IL19: variants seen among roughly 807,000 people sequenced by gnomAD.
The protein encoded by IL19 is interleukin-19.
IL19 carries 15 observed loss-of-function variants against 19.5 expected under a neutral mutation model. The observed-to-expected ratio is 0.77, with a 90% confidence interval of 0.52 to 1.19. IL19 has a LOEUF of 1.19. Ranked by LOEUF, IL19 falls within the 50% of genes most tolerant of loss-of-function variation. The probability of loss-of-function intolerance (pLI) is 0.00; values close to 1 mark genes in which losing one functional copy is unlikely to be tolerated. For missense variants in IL19, 199 were observed against 213.1 expected (o/e 0.93, Z 0.41); for synonymous variants, 78 against 78.3 (o/e 1.00, Z 0.02).
intron 2 of IL19, among the ~76,000 whole-genome samples, chr1:206,816,724 C>T (rs1676167084): frequency 6.6e-6 from 1 of 151,980 alleles, no homozygotes; most frequent in Middle Eastern, 3.2e-3. Context: ...TAAATATGAC[C>T]ATTAAAAAGG....
At position 206,798,968 on chromosome 1, in the gene IL19, A is replaced by G. The variant is rs777031399; in HGVS notation, c.-41A>G. The G allele has an allele frequency of 1.2e-6, 2 of 1,613,620 alleles. No homozygotes were observed. Among genetic ancestry groups the G allele is most frequent in the South Asian group, 1.1e-5 (1 of 91,046 alleles). On this transcript the variant is annotated 5_prime_UTR_variant, in exon 2 of 7. An upstream start codon of the reference 5' UTR is lost. Coordinates refer to ENST00000659997, the MANE Select transcript of IL19 (RefSeq NM_153758.5). Reference sequence around the variant, plus strand: ...CTCACACATGTGCACACACATATCCATGTGTGTGTGCCAGTGCTTTGGGGC... The same window carrying G: ...CTCACACATGTGCACACACATATCCGTGTGTGTGTGCCAGTGCTTTGGGGC...
At chr1:206,808,500 C>CGTGTGTGTGTGTGTGT (rs36044951) in intron 2 of IL19, among the ~76,000 whole-genome samples, 1 of 148,610 alleles carries the variant, frequency 6.7e-6, no homozygotes, top group Admixed American at 6.7e-5. Context: ...TGTGTGTGTG[C>CGTGTGTGTGTGTGTGT]GTGTGTGTGT....
chr1:206,839,410 T>G (rs1676920863), intron 4 of IL19, among the ~76,000 whole-genome samples: 1 of 152,186 alleles, frequency 6.6e-6, no homozygotes, highest in Non-Finnish European at 1.5e-5. Context: ...CCCTTGCATG[T>G]TGGCAGATGG....
chr1:206,770,890 A>G lies in IL19; in HGVS notation c.-337A>G. 1 of 1,613,718 alleles carries G rather than the reference A, an allele frequency of 6.2e-7. No individual in the cohort carries two copies. The highest frequency in any genetic ancestry group is 1.1e-5 in the South Asian group (1 of 91,066). On this transcript the variant is annotated 5_prime_UTR_variant, in exon 1 of 7. Coordinates refer to ENST00000659997, the MANE Select transcript of IL19 (RefSeq NM_153758.5). ...TTTGGGGGCAGCTGCAAGGGAAAAA[A>G]CTGATCTGCTACTTACACAGCGCCG...
intron 1 of IL19, among the ~76,000 whole-genome samples, chr1:206,787,890 G>C (rs922794634): frequency 6.6e-6 from 1 of 152,096 alleles, no homozygotes; most frequent in Admixed American, 6.6e-5. Context: ...CCTGGGCTGC[G>C]TTATCCTTTC....
At chr1:206,818,732 T>C (rs1259339410) in intron 2 of IL19, among the ~76,000 whole-genome samples, 4 of 152,204 alleles carry the variant, frequency 2.6e-5, no homozygotes, top group Non-Finnish European at 5.9e-5. Flanking sequence ...TAAAGAAAAG[T>C]GAAAATTGTT....
chr1:206,837,707 CA>C (rs748607889), intron 4 of IL19, among the ~76,000 whole-genome samples: 2 of 152,138 alleles, frequency 1.3e-5, no homozygotes, highest in Non-Finnish European at 2.9e-5. Context: ...AAACAATTAT[CA>C]GGGCATAGTG....
chr1:206,773,959 G>T (rs5743624), intron 1 of IL19, among the ~76,000 whole-genome samples: 1 of 152,204 alleles, frequency 6.6e-6, no homozygotes, highest in South Asian at 2.1e-4. Context: ...CTGCCAGGGA[G>T]CATTGAGCTT....
In IL19 at chr1:206,775,046, CT is replaced by C. The variant is rs112339008; in HGVS notation, c.-149+3980del. 1.8e-3 allele frequency among the ~76,000 whole-genome samples: 257 copies of C among 144,998 alleles called. 1 individual carries two copies. The highest frequency in any genetic ancestry group is 3.5e-3 in the Middle Eastern group (1 of 282). Reference sequence around the variant, plus strand: ...TAGGGTTGAGGTTAGGATCTGACTTCTTTTTTTTTTTTGAGACAGAGTCTCG... The same window carrying C: ...TAGGGTTGAGGTTAGGATCTGACTTCTTTTTTTTTTTGAGACAGAGTCTCG... On this transcript the variant is annotated intron_variant, in intron 1 of 6. Transcript: ENST00000659997.
At chr1:206,829,984 AG>A (rs1676547085) in intron 2 of IL19, among the ~76,000 whole-genome samples, 2 of 152,212 alleles carry the variant, frequency 1.3e-5, no homozygotes, top group East Asian at 3.8e-4. Context: ...GATTTCCTTA[AG>A]TCCTCAGCTT....
intron 1 of IL19, among the ~76,000 whole-genome samples, chr1:206,781,434 A>G (rs1013487688): frequency 1.9e-4 from 29 of 149,302 alleles, no homozygotes; most frequent in South Asian, 4.4e-4. Flanking sequence ...AAAAAAAAAA[A>G]AAAAGAAAAA....
chr1:206,816,344 G>C (rs186931313), intron 2 of IL19, among the ~76,000 whole-genome samples: 1 of 152,142 alleles, frequency 6.6e-6, no homozygotes, highest in East Asian at 1.9e-4. Context: ...TATAAAATAG[G>C]TATAGGTAAA....
chr1:206,780,143 C>A (rs1018232978), intron 1 of IL19, among the ~76,000 whole-genome samples: 5 of 152,216 alleles, frequency 3.3e-5, no homozygotes, highest in Admixed American at 2.6e-4. Context: ...CTGGGTGTAT[C>A]TTCTCAGAAC....
intron 2 of IL19, among the ~76,000 whole-genome samples, chr1:206,799,291 C>T (rs1010671129): frequency 5.3e-5 from 8 of 152,276 alleles, no homozygotes; most frequent in Non-Finnish European, 8.8e-5. Flanking sequence ...AGCTCCCATA[C>T]TGGTCATGGC....
At chr1:206,782,252 TC>T (rs1675165222) in intron 1 of IL19, among the ~76,000 whole-genome samples, 1 of 152,082 alleles carries the variant, frequency 6.6e-6, no homozygotes, top group Admixed American at 6.6e-5. Flanking sequence ...TGCATTTTTT[TC>T]CAAGCATTTT....
Position 206,798,846 on chromosome 1 carries a change from T to C in IL19, c.-148-15T>C. On this transcript the variant is annotated splice_polypyrimidine_tract_variant and intron_variant, in intron 1 of 6. Coordinates refer to ENST00000659997, the MANE Select transcript of IL19 (RefSeq NM_153758.5). Reference sequence around the variant, plus strand: ...ACCTTTTTGTAATGATGACTCTCTATGATTTTCTCCATAGAGCGGTGCTTG... The same window carrying C: ...ACCTTTTTGTAATGATGACTCTCTACGATTTTCTCCATAGAGCGGTGCTTG... 7.2e-7 allele frequency: 1 copy of C among 1,385,780 alleles called. No homozygotes were observed. The highest frequency in any genetic ancestry group is 1.0e-6 in the Non-Finnish European group (1 of 984,920). The allele number at this position is 1,385,780 out of a possible 1,614,324, so 85.8% of individuals were successfully genotyped here. A position where few individuals can be genotyped will look rare whatever the true frequency, so the allele number is the denominator to read the frequency against.
intron 2 of IL19, among the ~76,000 whole-genome samples, chr1:206,819,055 C>T (rs1446771673): frequency 6.6e-6 from 1 of 151,526 alleles, no homozygotes; most frequent in Non-Finnish European, 1.5e-5. Context: ...TCGTGATCTG[C>T]CTGCCTTGGC....
At chr1:206,808,040 A>G (rs1446292359) in intron 2 of IL19, among the ~76,000 whole-genome samples, 1 of 152,256 alleles carries the variant, frequency 6.6e-6, no homozygotes, top group African/African-American at 2.4e-5. Context: ...TGCCATAAAA[A>G]TTGATATAGG....
intron 1 of IL19, among the ~76,000 whole-genome samples, chr1:206,790,696 C>T (rs1381722464): frequency 6.6e-6 from 1 of 152,108 alleles, no homozygotes; most frequent in African/African-American, 2.4e-5. Context: ...TGGGGGTTTA[C>T]GAACTTGTCC....
Sources: gnomAD v4.1 joint callset for allele counts (sites outside exome capture counted in the v4.1 genomes callset) on GRCh38, gnomAD v4.1.1 for gene constraint, MANE v1.5 for transcripts, NCBI Gene and HGNC (gene_info 2026-07-23, HGNC 2026-07-21) for gene names.